CIZ1: variants seen among roughly 807,000 people sequenced by gnomAD.
The protein encoded by CIZ1 is CDKN1A interacting zinc finger protein 1, also known as cip1-interacting zinc finger protein.
CIZ1 carries 58 observed loss-of-function variants against 118.6 expected under a neutral mutation model. The observed-to-expected ratio is 0.49, with a 90% CI of 0.40 to 0.61. CIZ1 has a LOEUF of 0.61. Ranked by LOEUF, CIZ1 falls within the 20% of genes least tolerant of loss-of-function variation. CIZ1 has a pLI of 0.00. For missense variants in CIZ1, 921 were observed against 1,115.9 expected (o/e 0.83, Z 2.49); for synonymous variants, 448 against 443.4 (o/e 1.01, Z -0.13).
intron 3 of CIZ1, among the ~76,000 whole-genome samples, chr9:128,190,101 GAGCC>G (rs1832941226): frequency 6.6e-6 from 1 of 152,220 alleles, no homozygotes; most frequent in African/African-American, 2.4e-5. Flanking sequence ...ATTGCCCAAA[GAGCC>G]AGCACCATGG....
Position 128,167,131 on chromosome 9 carries a change from T to C in CIZ1, c.2329A>G (p.Lys777Glu), listed in dbSNP as rs1829532156. 4.4e-6 allele frequency: 7 copies of C among 1,602,842 alleles called. No individual in the cohort carries two copies. Among genetic ancestry groups the C allele is most frequent in the Non-Finnish European group, 5.1e-6 (6 of 1,174,510 alleles). Reference protein sequence around the residue: ...RSRDISREEWKGSETYSPNTA... With the variant: ...RSRDISREEWEGSETYSPNTA... ...TTGGGGCTGTAGGTCTCCGAGCCCT[T>C]CCACTCCTCTCTGGATATATCTCTG... The change falls in exon 15 of 17, where the codon AAG (lysine) becomes GAG (glutamate). Residue 777 changes from lysine (K) to glutamate (E), a missense_variant. Transcript: ENST00000372938.
At position 128,199,105 on chromosome 9, in the gene CIZ1, C is replaced by T. The variant is rs182084910; in HGVS notation, c.-6+5081G>A. On this transcript the variant is annotated intron_variant, in intron 1 of 17. Coordinates refer to the CIZ1 transcript ENST00000372948. The stretch of plus-strand genomic sequence containing the variant: ...TTTCTCGGCTGGGCACGGTGGCTCA[C>T]GCCTGTAATCCCAGCACTTTGGGAG... Among the ~76,000 whole-genome samples the T allele has an allele frequency of 2.3e-3, 351 of 151,704 alleles. 4 individuals carry two copies. The highest frequency in any genetic ancestry group is 8.1e-3 in the African/African-American group (333 of 41,280).
At chr9:128,190,600 C>A in intron 2 of CIZ1, 88 bp downstream of exon 2, 3 of 1,475,406 alleles carry the variant, frequency 2.0e-6, no homozygotes, top group Non-Finnish European at 1.8e-6. Context: ...ACGGGGATGG[C>A]ACTGGGAAAA....
Position 128,191,210 on chromosome 9 carries a change from C to G in CIZ1, c.-6+222G>C, listed in dbSNP as rs1485834827. On this transcript the variant is annotated intron_variant, in intron 1 of 16. Coordinates refer to ENST00000372938, the MANE Select transcript of CIZ1 (RefSeq NM_001131016.2). This position sits in a 1 kb window ranked among gnomAD's most constrained non-coding sequence, Gnocchi z 5.5. ...CCCATCACTTCCTCACTCACAGCCC[C>G]TTTTCAATACCGCAACCCTCTCTGG... 2.8e-6 allele frequency: 1 copy of G among 351,656 alleles called. No homozygotes were observed. Among genetic ancestry groups the G allele is most frequent in the East Asian group, 5.2e-5 (1 of 19,352 alleles). The allele number at this position is 351,656 out of a possible 1,614,324, so 21.8% of individuals were successfully genotyped here.
chr9:128,181,644 C>A (rs565102575), intron 5 of CIZ1, among the ~76,000 whole-genome samples: 4 of 152,240 alleles, frequency 2.6e-5, no homozygotes, highest in Non-Finnish European at 4.4e-5. Context: ...CACCAGAGGG[C>A]TCCTTGGTCT....
Position 128,185,713 on chromosome 9 carries a change from T to C in CIZ1, c.422A>G (p.Gln141Arg), listed in dbSNP as rs1832275063. ...GLAAPSLTPP[Q>R]LATPNLQQFF... is the part of the protein sequence containing the mutation. ...CTGTTGCAAATTTGGAGTGGCCAGT[T>C]GTGGGGGTGTGAGGCTGGGGGCTGC... Residue 141 changes from glutamine to arginine, a missense_variant, in exon 5 of 17, where the codon CAA becomes CGA. Gln to Arg is a conservative substitution (Grantham distance 43). Coordinates refer to ENST00000372938, the MANE Select transcript of CIZ1 (RefSeq NM_001131016.2). The C allele has an allele frequency of 6.2e-7, 1 of 1,611,824 alleles. No homozygotes were observed. Among genetic ancestry groups the C allele is most frequent in the Non-Finnish European group, 8.5e-7 (1 of 1,178,924 alleles).
At chr9:128,172,823 T>C (rs912000189) in intron 11 of CIZ1, among the ~76,000 whole-genome samples, 2 of 152,180 alleles carry the variant, frequency 1.3e-5, no homozygotes, top group South Asian at 4.1e-4. Context: ...CAAAACGTTA[T>C]ATAATGAGCG....
At chr9:128,181,800 G>A (rs1161369481) in intron 5 of CIZ1, among the ~76,000 whole-genome samples, 6 of 149,508 alleles carry the variant, frequency 4.0e-5, no homozygotes, top group African/African-American at 1.5e-4. Context: ...CCCCGAGGGA[G>A]TTTAGAGAAG....
In CIZ1 at chr9:128,191,336, C is replaced by A; in HGVS notation, c.-6+96G>T. The stretch of plus-strand genomic sequence containing the variant: ...TCCACCACCGCCACCTCCTCGCGCC[C>A]CACTCCGCCCGCTCCCACCCCGCCA... On this transcript the variant is annotated intron_variant, in intron 1 of 16. Coordinates refer to ENST00000372938, the MANE Select transcript of CIZ1 (RefSeq NM_001131016.2). This position sits in a 1 kb window ranked among gnomAD's most constrained non-coding sequence, Gnocchi z 5.5. The A allele has an allele frequency of 2.6e-6, 1 of 381,504 alleles. No homozygotes were observed. The highest frequency in any genetic ancestry group is 9.9e-5 in the South Asian group (1 of 10,076). The allele number at this position is 381,504 out of a possible 1,614,324, so 23.6% of individuals were successfully genotyped here. A position where few individuals can be genotyped will look rare whatever the true frequency, so the allele number is the denominator to read the frequency against.
intron 10 of CIZ1, 24 bp downstream of exon 10, chr9:128,177,542 C>CAAAAA: frequency 8.1e-6 from 10 of 1,229,456 alleles, no homozygotes; most frequent in Non-Finnish European, 1.1e-5. Flanking sequence ...CACCCCTCCC[C>CAAAAA]ACCCTTATCT....
At chr9:128,186,280 C>G (rs764502224) in intron 4 of CIZ1, among the ~76,000 whole-genome samples, 2 of 152,082 alleles carry the variant, frequency 1.3e-5, no homozygotes, top group African/African-American at 4.8e-5. Context: ...GATGACAAAA[C>G]GGAGACAGAG....
At chr9:128,189,145 C>T (rs1832816838) in intron 3 of CIZ1, among the ~76,000 whole-genome samples, 1 of 152,024 alleles carries the variant, frequency 6.6e-6, no homozygotes. Flanking sequence ...CCATGTTGCC[C>T]AAGCTGTTCT....
rs1276801779 is a variant in CIZ1, at chr9:128,166,661, G to GC, written c.2487+97dup. 5 of 1,464,668 alleles carry GC rather than the reference G, an allele frequency of 3.4e-6. No individual in the cohort carries two copies. The highest frequency in any genetic ancestry group is 4.8e-6 in the Non-Finnish European group (5 of 1,052,258). The allele number at this position is 1,464,668 out of a possible 1,614,324, so 90.7% of individuals were successfully genotyped here. On this transcript the variant is annotated intron_variant, in intron 16 of 16. Coordinates refer to ENST00000372938, the MANE Select transcript of CIZ1 (RefSeq NM_001131016.2). This position sits in a 1 kb window ranked among gnomAD's most constrained non-coding sequence, Gnocchi z 4.4. ...GCAGGGGTGGTGCCTGGGGATTGAG[G>GC]CCCTGCACAAGAGGGAGTGGCCACT...
chr9:128,170,902 G>A (rs904057544), intron 11 of CIZ1, among the ~76,000 whole-genome samples: 3 of 151,956 alleles, frequency 2.0e-5, no homozygotes, highest in Admixed American at 1.3e-4. Flanking sequence ...AAGGCAGAAG[G>A]ACTGCTTGAG....
At chr9:128,184,311 T>C (rs980253541) in intron 5 of CIZ1, among the ~76,000 whole-genome samples, 4 of 152,176 alleles carry the variant, frequency 2.6e-5, no homozygotes, top group African/African-American at 9.7e-5. Flanking sequence ...AAAAGGAATG[T>C]AAAATGCCTC....
chr9:128,168,885 T>A, intron 14 of CIZ1, 167 bp downstream of exon 14: 1 of 970,110 alleles, frequency 1.0e-6, no homozygotes, highest in Non-Finnish European at 1.5e-6. Flanking sequence ...CTAGTCATCA[T>A]GCATAATTAC....
chr9:128,203,498 A>G lies in CIZ1; in HGVS notation c.-6+688T>C. The G allele has an allele frequency of 6.5e-7, 1 of 1,531,516 alleles. No individual in the cohort carries two copies. Among genetic ancestry groups the G allele is most frequent in the Non-Finnish European group, 8.8e-7 (1 of 1,142,300 alleles). 94.9% of individuals were successfully genotyped at this position (1,531,516 alleles called of 1,614,324 possible). ...GGGCAACCGCGGCATGGAAGATCTC[A>G]TCCCGCTGGTCAACCGGCTGCAAGA... is the stretch of plus-strand genomic sequence containing the variant. On this transcript the variant is annotated intron_variant, in intron 1 of 17. Transcript: ENST00000372948. The surrounding 1 kb of genome is among the most constrained non-coding windows in gnomAD (Gnocchi z 5.3).
At position 128,169,450 on chromosome 9, in the gene CIZ1, C is replaced by G; in HGVS notation, c.2101G>C (p.Val701Leu). 1 of 1,614,228 alleles carries G rather than the reference C, an allele frequency of 6.2e-7. No individual in the cohort carries two copies. The highest frequency in any genetic ancestry group is 8.5e-7 in the Non-Finnish European group (1 of 1,180,042). The change falls in exon 13 of 17, where the codon GTG becomes CTG. Residue 701 changes from valine to leucine, a missense_variant. Coordinates refer to ENST00000372938, the MANE Select transcript of CIZ1 (RefSeq NM_001131016.2). ...NRYFKTPRKFVEHVKSQGHKD... is the reference protein window; with the variant it reads ...NRYFKTPRKFLEHVKSQGHKD... ...TGCCCCTGGGACTTCACGTGCTCCA[C>G]AAACTTGCGAGGGGTTTTGAAGTAG...
intron 5 of CIZ1, among the ~76,000 whole-genome samples, chr9:128,181,883 C>T (rs1282383735): frequency 1.3e-5 from 2 of 152,152 alleles, no homozygotes; most frequent in African/African-American, 2.4e-5. Context: ...GAGGCCTAAC[C>T]GTCTCCCTGT....
Sources: gnomAD v4.1 joint callset for allele counts (sites outside exome capture counted in the v4.1 genomes callset) on GRCh38, gnomAD v4.1.1 for gene constraint, Gnocchi (gnomAD v3.1) non-coding constraint, MANE v1.5 for transcripts, NCBI Gene and HGNC (gene_info 2026-07-23, HGNC 2026-07-21) for gene names.